TMEM237: variants seen among roughly 807,000 people sequenced by gnomAD.
TMEM237 encodes the protein transmembrane protein 237, also known as amyotrophic lateral sclerosis 2 (juvenile) chromosome region, candidate 4.
In TMEM237, 51 loss-of-function variants were observed where a neutral mutation model predicts 59.1. The observed-to-expected ratio is 0.86, with a 90% CI of 0.69 to 1.09. The LOEUF is 1.09. TMEM237 is among the 50% of genes least tolerant of loss of function. The pLI, the probability that TMEM237 is intolerant of heterozygous loss-of-function variation, is 0.00. For synonymous variants in TMEM237, 140 were observed against 166.1 expected, an observed-to-expected ratio of 0.84 and a Z score of 1.21; for missense variants, 475 against 478.3, an observed-to-expected ratio of 0.99 and a Z score of 0.06.
intron 4 of TMEM237, among the ~76,000 whole-genome samples, chr2:201,637,973 G>C (rs1377369038): frequency 6.6e-6 from 1 of 152,136 alleles, no homozygotes; most frequent in African/African-American, 2.4e-5. Context: ...AGGTAATTTA[G>C]CAGAGTCAGT....
chr2:201,628,206 C>A, intron 9 of TMEM237, 57 bp from the exon 10 acceptor site: 1 of 1,232,188 alleles, frequency 8.1e-7, no homozygotes, highest in Non-Finnish European at 1.2e-6. Context: ...CAAAACTTTA[C>A]TTTCTTGACT....
At chr2:201,632,465 A>G (rs1235035554) in intron 6 of TMEM237, among the ~76,000 whole-genome samples, 1 of 152,194 alleles carries the variant, frequency 6.6e-6, no homozygotes, top group Non-Finnish European at 1.5e-5. Context: ...AAACTGTATG[A>G]TTCTGTATAG....
At chr2:201,630,880 CTTAA>C in intron 7 of TMEM237, 1 of 152,166 alleles carries the variant, frequency 6.6e-6, no homozygotes, top group African/African-American at 2.4e-5. Context: ...TGCAAGATCC[CTTAA>C]ATGGGATCTT....
chr2:201,624,665 T>A (rs1200015968), intron 12 of TMEM237, among the ~76,000 whole-genome samples: 2 of 152,162 alleles, frequency 1.3e-5, no homozygotes, highest in African/African-American at 2.4e-5. Flanking sequence ...GATCAGATCA[T>A]CTGAAACATA....
intron 7 of TMEM237, chr2:201,630,866 G>C (rs562178639): frequency 6.6e-6 from 1 of 152,228 alleles, no homozygotes; most frequent in South Asian, 2.1e-4. Context: ...TATTGGCCAA[G>C]AACTGCAAGA....
intron 12 of TMEM237, among the ~76,000 whole-genome samples, chr2:201,624,569 A>G (rs1436847344): frequency 1.3e-5 from 2 of 152,216 alleles, no homozygotes; most frequent in African/African-American, 4.8e-5. Context: ...AATGTAATAG[A>G]GACAATATAC....
At position 201,643,073 on chromosome 2, in the gene TMEM237, C is replaced by T. The variant is rs972959572; in HGVS notation, c.42+286G>A. On this transcript the variant is annotated intron_variant, in intron 1 of 12. Transcript: ENST00000409883. This position sits in a 1 kb window ranked among gnomAD's most constrained non-coding sequence, Gnocchi z 4.3. ...TGGAAGCCCCGGCACCCGCCGGGCC[C>T]CGGGCCTCAGATGAGTGAGGCGTCG... 1.1e-5 allele frequency: 12 copies of T among 1,132,824 alleles called. No individual in the cohort carries two copies. In the African/African-American group the frequency reaches 2.0e-4, roughly 19 times the overall value. 70.2% of individuals were successfully genotyped at this position (1,132,824 alleles called of 1,614,324 possible).
At position 201,631,805 on chromosome 2, in the gene TMEM237, T is replaced by C. The variant is rs58162412; in HGVS notation, c.553+246A>G. On this transcript the variant is annotated intron_variant, in intron 7 of 12. Transcript: ENST00000409883. ...AATGAAAAATTCTCCCTAAACATTA[T>C]GTTTAATGGTGAAGAACATTATTAT... 7.7e-3 allele frequency among the ~76,000 whole-genome samples: 1,172 copies of C among 152,354 alleles called. 16 individuals carry two copies. The highest frequency in any genetic ancestry group is 0.026 in the African/African-American group (1,089 of 41,580).
intron 4 of TMEM237, among the ~76,000 whole-genome samples, chr2:201,637,109 C>T (rs916714057): frequency 2.2e-4 from 34 of 152,054 alleles, no homozygotes; most frequent in African/African-American, 7.7e-4. Flanking sequence ...GAAGAAAAAA[C>T]GAGGGGGCTA....
intron 1 of TMEM237, 65 bp from the exon 2 acceptor site, chr2:201,640,989 T>A: frequency 4.3e-6 from 6 of 1,408,576 alleles, no homozygotes; most frequent in Non-Finnish European, 4.9e-6. Context: ...TCAAATACCA[T>A]CACGCTATTT....
intron 7 of TMEM237, chr2:201,631,268 G>A (rs917435949): frequency 6.6e-6 from 1 of 152,106 alleles, no homozygotes; most frequent in African/African-American, 2.4e-5. Context: ...GCCAGGAAGG[G>A]GCCTTCTCCA....
rs903149900 is a variant in TMEM237 at position 201,635,411 on chromosome 2, T to A, written c.274+1337A>T. ...AAAAATGTGAAGATGGAAGCAGAGA[T>A]TGGCATTATGCCACCACAAGTCAAA... On this transcript the variant is annotated intron_variant, in intron 5 of 12. Transcript: ENST00000409883. This position sits in a 1 kb window ranked among gnomAD's most constrained non-coding sequence, Gnocchi z 4.5. 6.6e-6 allele frequency among the ~76,000 whole-genome samples: 1 copy of A among 152,024 alleles called. No homozygotes were observed. The highest frequency in any genetic ancestry group is 2.4e-5 in the African/African-American group (1 of 41,372).
At chr2:201,629,586 T>C (rs1284426833) in intron 8 of TMEM237, 143 bp downstream of exon 8, 40 of 1,296,796 alleles carry the variant, frequency 3.1e-5, no homozygotes, top group Admixed American at 1.6e-4. Context: ...TCAATTCCAA[T>C]AGGATGTTTA....
intron 9 of TMEM237, among the ~76,000 whole-genome samples, chr2:201,628,840 C>T (rs1000736184): frequency 2.6e-5 from 4 of 152,186 alleles, no homozygotes; most frequent in Admixed American, 1.3e-4. Flanking sequence ...GCAGACTGCT[C>T]GCCTCCAGAC....
chr2:201,632,243 T>C (rs373444397), intron 6 of TMEM237, 35 bp from the exon 7 acceptor site: 5 of 1,607,742 alleles, frequency 3.1e-6, no homozygotes, highest in Non-Finnish European at 4.3e-6. Flanking sequence ...AAATAGATGA[T>C]TATTGAATTT....
intron 1 of TMEM237, chr2:201,642,744 C>T (rs1373258413): frequency 2.7e-6 from 4 of 1,481,534 alleles, no homozygotes; most frequent in East Asian, 2.7e-5. Context: ...CTGGCTAGTA[C>T]CCCGCGCGCA....
rs751078802 is a variant in TMEM237 at position 201,624,227 on chromosome 2, T to A, written c.*28A>T. The stretch of plus-strand genomic sequence containing the variant: ...AAACAAAAATGGGACAAATACTGGG[T>A]CATTATTCCTCCAAAGGTGAGCTGG... On this transcript the variant is annotated 3_prime_UTR_variant, in exon 13 of 13. Coordinates refer to ENST00000409883, the MANE Select transcript of TMEM237 (RefSeq NM_001044385.3). The A allele has an allele frequency of 6.3e-7, 1 of 1,576,884 alleles. No individual in the cohort carries two copies.
rs1574589850 is a variant in TMEM237, at chr2:201,643,274, G to C, written c.42+85C>G. 1 of 1,206,760 alleles carries C rather than the reference G, an allele frequency of 8.3e-7. No homozygotes were observed. Among genetic ancestry groups the C allele is most frequent in the Non-Finnish European group, 1.2e-6 (1 of 849,320 alleles). 74.8% of individuals were successfully genotyped at this position (1,206,760 alleles called of 1,614,324 possible). ...CCTTAGTGATTCCCAGCTCGTTGGC[G>C]CCCCCCCACACACACCCACCCCCAC... On this transcript the variant is annotated intron_variant, in intron 1 of 12. Transcript: ENST00000409883. This position sits in a 1 kb window ranked among gnomAD's most constrained non-coding sequence, Gnocchi z 4.3.
chr2:201,643,285 CACACCCA>C lies in TMEM237; in HGVS notation c.42+67_42+73del. 1 of 1,393,500 alleles carries C rather than the reference CACACCCA, an allele frequency of 7.2e-7. No individual in the cohort carries two copies. The highest frequency in any genetic ancestry group is 9.9e-7 in the Non-Finnish European group (1 of 1,012,512). 86.3% of individuals were successfully genotyped at this position (1,393,500 alleles called of 1,614,324 possible). ...CCCAGCTCGTTGGCGCCCCCCCACACACACCCACCCCCACTGCCAAGTGTAGCTGTTT... is the reference window on the plus strand; with the variant it reads ...CCCAGCTCGTTGGCGCCCCCCCACACCCCCCACTGCCAAGTGTAGCTGTTT... On this transcript the variant is annotated intron_variant, in intron 1 of 12. Coordinates refer to ENST00000409883, the MANE Select transcript of TMEM237 (RefSeq NM_001044385.3). This position sits in a 1 kb window ranked among gnomAD's most constrained non-coding sequence, Gnocchi z 4.3.
Sources: allele counts gnomAD v4.1 joint callset (sites outside exome capture counted in the v4.1 genomes callset), GRCh38; gene constraint gnomAD v4.1.1; non-coding constraint Gnocchi (gnomAD v3.1); transcripts MANE v1.5; gene names NCBI Gene and HGNC (gene_info 2026-07-23, HGNC 2026-07-21).